ITGB3: variants seen among roughly 807,000 people sequenced by gnomAD.
The protein encoded by ITGB3 is integrin beta-3.
Under a neutral mutation model 85.8 loss-of-function variants are expected in ITGB3, and 48 were observed. The observed-to-expected ratio is 0.56, with a 90% CI of 0.44 to 0.71. ITGB3 has a LOEUF of 0.71. Among genes scored for constraint, ITGB3 ranks in the 30% least tolerant of loss-of-function variants. The probability of loss-of-function intolerance (pLI) is 0.00; values close to 1 mark genes in which losing one functional copy is unlikely to be tolerated. For missense variants in ITGB3, 861 were observed against 1,019.1 expected (o/e 0.84, Z 2.11); for synonymous variants, 363 against 395.6 (o/e 0.92, Z 0.98).
chr17:47,308,690 C>T (rs1285538117), intron 14 of ITGB3, among the ~76,000 whole-genome samples: 1 of 152,020 alleles, frequency 6.6e-6, no homozygotes, highest in Non-Finnish European at 1.5e-5. Flanking sequence ...TTAGTAGCGA[C>T]GGGGTTTCAC....
rs754292241 is a variant in ITGB3, at chr17:47,286,334, A to G, written c.689A>G (p.Asn230Ser). 8 of 1,614,184 alleles carry G rather than the reference A, an allele frequency of 5.0e-6. No homozygotes were observed. Among genetic ancestry groups the G allele is most frequent in the Non-Finnish European group, 5.1e-6 (6 of 1,180,034 alleles). Residue 230 changes from asparagine to serine, a missense_variant, in exon 5 of 15, where the codon AAT becomes AGT. By Grantham distance (46) the Asn-to-Ser change is conservative (BLOSUM62 1). Coordinates refer to ENST00000559488, the MANE Select transcript of ITGB3 (RefSeq NM_000212.3). Reference sequence around the variant, plus strand: ...CTAACTGACCAGGTGACCCGCTTCAATGAGGAAGTGAAGAAGCAGAGTGTG... The same window carrying G: ...CTAACTGACCAGGTGACCCGCTTCAGTGAGGAAGTGAAGAAGCAGAGTGTG... ...LTLTDQVTRF[N>S]EEVKKQSVSR...
Position 47,274,471 on chromosome 17 carries a change from T to G in ITGB3, c.132T>G (p.Ala44=). 1.2e-6 allele frequency: 2 copies of G among 1,613,988 alleles called. No homozygotes were observed. The highest frequency in any genetic ancestry group is 1.7e-6 in the Non-Finnish European group (2 of 1,179,986). ...TGAGCTCCTGCCAGCAGTGCCTGGCTGTGAGCCCCATGTGTGCCTGGTGCT... is the reference window on the plus strand; with the variant it reads ...TGAGCTCCTGCCAGCAGTGCCTGGCGGTGAGCCCCATGTGTGCCTGGTGCT... ...RGVSSCQQCL[A]VSPMCAWCSD... The change falls in exon 2 of 15, where the codon GCT becomes GCG. Residue 44 remains alanine (A), a synonymous_variant. Transcript: ENST00000559488.
rs1001522712 is a variant in ITGB3, at chr17:47,312,343, C to T, written c.*2139C>T. Among the ~76,000 whole-genome samples, 1 of 152,144 alleles carries T rather than the reference C, an allele frequency of 6.6e-6. No homozygotes were observed. The highest frequency in any genetic ancestry group is 2.4e-5 in the African/African-American group (1 of 41,416). On this transcript the variant is annotated 3_prime_UTR_variant, in exon 15 of 15. Transcript: ENST00000559488. ...TTAGATATGGGGCAATGACTGAGCC[C>T]TGTCTCACCCATGGATTACTCCTTA... is the stretch of plus-strand genomic sequence containing the variant.
At chr17:47,309,895 G>GAA (rs11354112) in intron 14 of ITGB3, among the ~76,000 whole-genome samples, 7 of 113,038 alleles carry the variant, frequency 6.2e-5, no homozygotes, top group South Asian at 6.1e-4. Context: ...GACCCTGTCT[G>GAA]AAAAAAAAAA....
intron 1 of ITGB3, among the ~76,000 whole-genome samples, chr17:47,267,146 G>A (rs917388313): frequency 1.3e-5 from 2 of 152,190 alleles, no homozygotes; most frequent in African/African-American, 4.8e-5. Flanking sequence ...TACTTTCTGT[G>A]TTCCAGCTGT....
At chr17:47,296,687 A>C (rs1266462249) in intron 10 of ITGB3, among the ~76,000 whole-genome samples, 1 of 152,214 alleles carries the variant, frequency 6.6e-6, no homozygotes, top group Non-Finnish European at 1.5e-5. Flanking sequence ...GAAAGGTGCT[A>C]CTGATGTCTA....
Position 47,310,751 on chromosome 17 carries a change from C to T in ITGB3, c.*547C>T. 1 of 187,892 alleles carries T rather than the reference C, an allele frequency of 5.3e-6. No homozygotes were observed. Among genetic ancestry groups the T allele is most frequent in the Non-Finnish European group, 1.1e-5 (1 of 87,704 alleles). 11.6% of individuals were successfully genotyped at this position (187,892 alleles called of 1,614,324 possible). A position where few individuals can be genotyped will look rare whatever the true frequency, so the allele number is the denominator to read the frequency against. On this transcript the variant is annotated 3_prime_UTR_variant, in exon 15 of 15. Coordinates refer to ENST00000559488, the MANE Select transcript of ITGB3 (RefSeq NM_000212.3). ...CATCTGTACCTCTGCCTCCTTTCCC[C>T]TCCCTCAGGCCGAAGGAGGAGTCAG...
chr17:47,266,598 G>A lies in ITGB3; in HGVS notation c.80-7821G>A, dbSNP rs541529647. Among the ~76,000 whole-genome samples, 7 of 152,170 alleles carry A rather than the reference G, an allele frequency of 4.6e-5. No individual in the cohort carries two copies. The East Asian group carries it at 1.2e-3, about 25-fold the overall frequency. ...TGTTATTTTCAAAAAACTTTTTTGA[G>A]GCAGGGTCTCACTTTGTTGCCCAGG... On this transcript the variant is annotated intron_variant, in intron 1 of 14. Coordinates refer to ENST00000559488, the MANE Select transcript of ITGB3 (RefSeq NM_000212.3).
chr17:47,296,439 G>A (rs2065146220), intron 10 of ITGB3, among the ~76,000 whole-genome samples: 1 of 152,128 alleles, frequency 6.6e-6, no homozygotes, highest in Non-Finnish European at 1.5e-5. Context: ...TCGCTATGTT[G>A]CCCAGGCTAG....
chr17:47,306,799 C>G (rs111568422), intron 13 of ITGB3, among the ~76,000 whole-genome samples: 13,116 of 152,008 alleles, frequency 0.086, 618 homozygotes, highest in East Asian at 0.19. Flanking sequence ...TGTGCTTCAG[C>G]CTCCCAAGTA....
chr17:47,302,709 C>T lies in ITGB3; in HGVS notation c.2015-12C>T, dbSNP rs180842046. The T allele has an allele frequency of 6.2e-7, 1 of 1,614,102 alleles. No individual in the cohort carries two copies. The highest frequency in any genetic ancestry group is 1.7e-5 in the Admixed American group (1 of 60,022). On this transcript the variant is annotated splice_polypyrimidine_tract_variant and intron_variant, in intron 12 of 14. Transcript: ENST00000559488. ...GTCTCACTTTTTATTCCTCCATTTT[C>T]CCTACTCCCAGAGGACACTGGCAAG...
At chr17:47,275,874 C>A (rs1394151473) in intron 2 of ITGB3, among the ~76,000 whole-genome samples, 1 of 152,184 alleles carries the variant, frequency 6.6e-6, no homozygotes, top group Non-Finnish European at 1.5e-5. Context: ...ATGGATGAGA[C>A]CTTCTCCCCC....
At chr17:47,274,188 C>T (rs1050930454) in intron 1 of ITGB3, among the ~76,000 whole-genome samples, 3 of 152,206 alleles carry the variant, frequency 2.0e-5, no homozygotes, top group African/African-American at 7.2e-5. Context: ...CACTTGTTAC[C>T]ACTGTGGCCT....
Position 47,299,186 on chromosome 17 carries a change from C to T in ITGB3, c.1691-122C>T. The T allele has an allele frequency of 2.0e-6, 2 of 996,274 alleles. No homozygotes were observed. Among genetic ancestry groups the T allele is most frequent in the East Asian group, 2.5e-5 (1 of 39,330 alleles). 61.7% of individuals were successfully genotyped at this position (996,274 alleles called of 1,614,324 possible). ...ACTCCCCTGGGTGGTGAGCCAATTC[C>T]CTGCCAACCTGGAGGATCATTATCT... On this transcript the variant is annotated intron_variant, in intron 10 of 14. Transcript: ENST00000559488. The surrounding 1 kb of genome is among the most constrained non-coding windows in gnomAD (Gnocchi z 5.1).
chr17:47,300,663 G>A (rs1042869947), intron 12 of ITGB3, 85 bp downstream of exon 12: 1 of 993,270 alleles, frequency 1.0e-6, no homozygotes, highest in Non-Finnish European at 1.6e-6. Context: ...ACTCCCACCT[G>A]TAAAATGGAA....
chr17:47,309,232 T>C (rs1274162050), intron 14 of ITGB3, among the ~76,000 whole-genome samples: 3 of 151,670 alleles, frequency 2.0e-5, no homozygotes, highest in African/African-American at 7.3e-5. Context: ...TTTTTTTCCC[T>C]TGTAGAGACA....
chr17:47,269,573 A>AGATAGAGGCTAGTTGAGTT (rs2065037424), intron 1 of ITGB3, among the ~76,000 whole-genome samples: 1 of 152,206 alleles, frequency 6.6e-6, no homozygotes, highest in Non-Finnish European at 1.5e-5. Context: ...AGACCACCTC[A>AGATAGAGGCTAGTTGAGTT]GCCTGGACTT....
intron 6 of ITGB3, among the ~76,000 whole-genome samples, chr17:47,288,693 G>A (rs1024059902): frequency 3.3e-5 from 5 of 152,198 alleles, no homozygotes; most frequent in Admixed American, 2.6e-4. Context: ...TCCAAGTCAA[G>A]CACTACCAGA....
Position 47,300,494 on chromosome 17 carries a change from A to G in ITGB3, c.1930A>G (p.Lys644Glu), listed in dbSNP as rs1312440573. The change falls in exon 12 of 15, where the codon AAG becomes GAG. Residue 644 changes from lysine (K) to glutamate (E), a missense_variant. Lys to Glu is a moderately conservative substitution (Grantham distance 56). Transcript: ENST00000559488. ...CTCCTTCAGAGAATGTGTGGAGTGT[A>G]AGAAGTTTGACCGGGGAGCCCTACA... ...CTFKKECVEC[K>E]KFDRGALHDE... 1 of 1,613,828 alleles carries G rather than the reference A, an allele frequency of 6.2e-7. No individual in the cohort carries two copies. Among genetic ancestry groups the G allele is most frequent in the African/African-American group, 1.3e-5 (1 of 75,030 alleles).
Sources: gnomAD v4.1 joint callset for allele counts (sites outside exome capture counted in the v4.1 genomes callset) on GRCh38, gnomAD v4.1.1 for gene constraint, Gnocchi (gnomAD v3.1) non-coding constraint, MANE v1.5 for transcripts, NCBI Gene and HGNC (gene_info 2026-07-23, HGNC 2026-07-21) for gene names.